CGGBP1: variants seen among roughly 807,000 people sequenced by gnomAD.
The protein encoded by CGGBP1 is CGG triplet repeat-binding protein 1.
In CGGBP1, 4 loss-of-function variants were observed where a neutral mutation model predicts 11.4. That is an observed-to-expected ratio of 0.35 (90% CI 0.17 to 0.80). The LOEUF is 0.80. Among genes scored for constraint, CGGBP1 ranks in the 30% least tolerant of loss-of-function variants. The pLI is 0.52. For missense variants in CGGBP1, 135 were observed against 202.1 expected, an observed-to-expected ratio of 0.67 and a Z score of 2.01; for synonymous variants, 76 against 74.1, an observed-to-expected ratio of 1.03 and a Z score of -0.13.
intron 2 of CGGBP1, among the ~76,000 whole-genome samples, chr3:88,138,220 G>A (rs1045138213): frequency 2.0e-5 from 3 of 152,000 alleles, no homozygotes; most frequent in African/African-American, 7.2e-5. Flanking sequence ...AGCAAAATAA[G>A]TAATATTTTT....
chr3:88,127,892 C>G (rs1576335313), intron 2 of CGGBP1, among the ~76,000 whole-genome samples: 1 of 152,136 alleles, frequency 6.6e-6, no homozygotes, highest in East Asian at 1.9e-4. Flanking sequence ...TTTGCATTAA[C>G]AATACAAATC....
At chr3:88,063,932 C>G (rs1467782634), upstream of CGGBP1, among the ~76,000 whole-genome samples, 2 of 152,058 alleles carry the variant, frequency 1.3e-5, no homozygotes, top group East Asian at 3.9e-4. Flanking sequence ...TGGTGTAAAC[C>G]AAAACAACTT....
At chr3:88,080,280 T>A (rs554097358) in intron 2 of CGGBP1, among the ~76,000 whole-genome samples, 1 of 151,970 alleles carries the variant, frequency 6.6e-6, no homozygotes, top group South Asian at 2.1e-4. Flanking sequence ...CTTGGAAACA[T>A]AATGAACCAG....
chr3:88,111,354 G>C (rs550866569), intron 2 of CGGBP1, among the ~76,000 whole-genome samples: 1 of 151,824 alleles, frequency 6.6e-6, no homozygotes, highest in East Asian at 1.9e-4. Context: ...TATCCTGCTA[G>C]ATAGTCTGAC....
At chr3:88,115,963 C>T (rs1035449194) in intron 2 of CGGBP1, among the ~76,000 whole-genome samples, 5 of 152,114 alleles carry the variant, frequency 3.3e-5, no homozygotes, top group Non-Finnish European at 7.3e-5. Flanking sequence ...CCAAACAATA[C>T]TTGATTGACT....
At chr3:88,088,759 T>C (rs1708475469) in intron 2 of CGGBP1, among the ~76,000 whole-genome samples, 1 of 142,016 alleles carries the variant, frequency 7.0e-6, no homozygotes, top group African/African-American at 2.5e-5. Flanking sequence ...TATGTATGTA[T>C]GTATGGATGG....
Position 88,055,731 on chromosome 3 carries a change from C to T in CGGBP1, c.246G>A (p.Lys82=), listed in dbSNP as rs768917893. 2 of 1,614,222 alleles carry T rather than the reference C, an allele frequency of 1.2e-6. No individual in the cohort carries two copies. Among genetic ancestry groups the T allele is most frequent in the Non-Finnish European group, 1.7e-6 (2 of 1,180,042 alleles). Residue 82 remains lysine (K), a synonymous_variant, in exon 4 of 4, where the codon AAG becomes AAA. Coordinates refer to ENST00000482016, the MANE Select transcript of CGGBP1 (RefSeq NM_001008390.2). The surrounding 1 kb of genome is among the most constrained non-coding windows in gnomAD (Gnocchi z 4.2). ...AEFEEQNVRK[K]QRPLTASLQC... ...GAAGAGATGCAGTTAGGGGCCTCTG[C>T]TTCTTTCTCACATTCTGCTCTTCAA...
At chr3:88,086,514 A>T in intron 2 of CGGBP1, 1 of 956,300 alleles carries the variant, frequency 1.0e-6, no homozygotes, top group Non-Finnish European at 1.4e-6. Flanking sequence ...TCCCTCAAAA[A>T]GAAATGTTTA....
At chr3:88,142,835 T>C (rs1707196040) in intron 1 of CGGBP1, 1 of 152,258 alleles carries the variant, frequency 6.6e-6, no homozygotes, top group Non-Finnish European at 1.5e-5. Flanking sequence ...CATTCAAGCA[T>C]TGTTTTCCTT....
intron 2 of CGGBP1, among the ~76,000 whole-genome samples, chr3:88,070,563 GTTTTTTTTTTT>G (rs67079285): frequency 0.72 from 80,892 of 112,748 alleles, 28,005 homozygotes; most frequent in South Asian, 0.88. Context: ...AACACTGCCT[GTTTTTTTTTTT>G]TTTTTTTTTT....
chr3:88,148,601 T>G (rs2107923985), intron 1 of CGGBP1, among the ~76,000 whole-genome samples: 1 of 152,306 alleles, frequency 6.6e-6, no homozygotes, highest in Non-Finnish European at 1.5e-5. Context: ...TTTGAATGCT[T>G]TAAGGACTAC....
intron 2 of CGGBP1, among the ~76,000 whole-genome samples, chr3:88,067,047 AAGC>A (rs1193184637): frequency 6.6e-6 from 1 of 152,214 alleles, no homozygotes; most frequent in Non-Finnish European, 1.5e-5. Flanking sequence ...CAACTTTTCA[AAGC>A]AGTGGTGAAT....
At chr3:88,103,959 G>T (rs1445919227) in intron 2 of CGGBP1, among the ~76,000 whole-genome samples, 1 of 151,752 alleles carries the variant, frequency 6.6e-6, no homozygotes, top group Non-Finnish European at 1.5e-5. Context: ...ACGGGGTTTT[G>T]TCATGTTGGC....
intron 2 of CGGBP1, among the ~76,000 whole-genome samples, chr3:88,127,274 C>CTAATA (rs903241087): frequency 1.3e-5 from 2 of 151,998 alleles, no homozygotes; most frequent in African/African-American, 4.8e-5. Flanking sequence ...TAGTCACAGG[C>CTAATA]TAAGGGGTTA....
chr3:88,106,324 T>C (rs1704735316), intron 2 of CGGBP1, among the ~76,000 whole-genome samples: 1 of 152,140 alleles, frequency 6.6e-6, no homozygotes, highest in Admixed American at 6.6e-5. Flanking sequence ...TGAAAATGTA[T>C]ATTTTTTTCA....
rs1706567433 is a variant in CGGBP1 at position 88,057,246 on chromosome 3, G to GT, written c.-80dup. On this transcript the variant is annotated 5_prime_UTR_variant, in exon 3 of 4. Transcript: ENST00000482016. The stretch of plus-strand genomic sequence containing the variant: ...TTCAAAAGGACTTTAAATTGCCAAC[G>GT]TATCAGACAGTCATGGATCCAGAAG... The GT allele has an allele frequency of 6.6e-6, 1 of 152,020 alleles. No individual in the cohort carries two copies. Among genetic ancestry groups the GT allele is most frequent in the South Asian group, 2.1e-4 (1 of 4,832 alleles). The allele number at this position is 152,020 out of a possible 1,614,324, so 9.4% of individuals were successfully genotyped here. A position where few individuals can be genotyped will look rare whatever the true frequency, so the allele number is the denominator to read the frequency against.
At chr3:88,126,603 T>TG (rs1302943658) in intron 2 of CGGBP1, among the ~76,000 whole-genome samples, 1 of 105,712 alleles carries the variant, frequency 9.5e-6, no homozygotes, top group Non-Finnish European at 2.1e-5. Flanking sequence ...TTTTTTTTTT[T>TG]TAAGAAACAA....
At chr3:88,116,557 T>TAC (rs745598873) in intron 2 of CGGBP1, among the ~76,000 whole-genome samples, 1 of 25,502 alleles carries the variant, frequency 3.9e-5, no homozygotes, top group African/African-American at 9.5e-5. Context: ...TACATACATA[T>TAC]ATATACACAC....
upstream of CGGBP1, chr3:88,059,589 G>T: frequency 7.0e-7 from 1 of 1,428,562 alleles, no homozygotes. Context: ...CATGAATCTG[G>T]TCTATGTCCA....
Sources: gnomAD v4.1 joint callset for allele counts (sites outside exome capture counted in the v4.1 genomes callset) on GRCh38, gnomAD v4.1.1 for gene constraint, Gnocchi (gnomAD v3.1) non-coding constraint, MANE v1.5 for transcripts, NCBI Gene and HGNC (gene_info 2026-07-23, HGNC 2026-07-21) for gene names.